Variants in CLOCK observed in about 807,000 individuals in gnomAD.
CLOCK encodes the protein clock circadian regulator.
In CLOCK, 43 loss-of-function variants were observed where a neutral mutation model predicts 118.4. The ratio of observed to expected loss-of-function variants is 0.36; its 90% CI spans 0.28 to 0.47. The LOEUF (loss-of-function observed/expected upper bound fraction) is 0.47, where lower values mean the gene tolerates loss of function less well. Ranked by LOEUF, CLOCK falls within the 20% of genes least tolerant of loss-of-function variation. CLOCK has a pLI of 1.00. For missense variants in CLOCK, 846 were observed against 999.9 expected, an observed-to-expected ratio of 0.85 and a Z score of 2.08; for synonymous variants, 326 against 339.2, an observed-to-expected ratio of 0.96 and a Z score of 0.43.
At chr4:55,440,355 GAAC>G (rs1367225471) in intron 21 of CLOCK, among the ~76,000 whole-genome samples, 6 of 152,034 alleles carry the variant, frequency 3.9e-5, no homozygotes, top group Admixed American at 1.3e-4. Flanking sequence ...TGAAATGAAA[GAAC>G]AATAACCCCA....
intron 9 of CLOCK, 129 bp downstream of exon 9, chr4:55,463,556 G>T: frequency 2.8e-6 from 2 of 706,132 alleles, no homozygotes; most frequent in African/African-American, 1.8e-5. Context: ...TTTTAATATT[G>T]AAAAAGGACC....
At position 55,459,220 on chromosome 4, in the gene CLOCK, T is replaced by C. The variant is rs1725137696; in HGVS notation, c.601A>G (p.Thr201Ala). 1.9e-6 allele frequency: 3 copies of C among 1,612,536 alleles called. No individual in the cohort carries two copies. Among genetic ancestry groups the C allele is most frequent in the Non-Finnish European group, 1.7e-6 (2 of 1,178,634 alleles). The change falls in exon 10 of 23, where the codon ACA becomes GCA. Residue 201 changes from threonine to alanine, a missense_variant. By Grantham distance (58) the Thr-to-Ala change is moderately conservative. Around this residue, in one of 4 missense-constraint regions of CLOCK, gnomAD observed 246 missense variants for 300.2 expected, o/e 0.82. Coordinates refer to ENST00000513440, the MANE Select transcript of CLOCK (RefSeq NM_004898.4). ...LEFCCHMLRG[T>A]IDPKEPSTYE... is the part of the protein sequence containing the mutation. Reference sequence around the variant, plus strand: ...GTAGATGGCTCCTTTGGGTCTATTGTTCCTCGCAGCATGTGACAACAGAAT... The same window carrying C: ...GTAGATGGCTCCTTTGGGTCTATTGCTCCTCGCAGCATGTGACAACAGAAT...
intron 1 of CLOCK, among the ~76,000 whole-genome samples, chr4:55,535,196 T>A (rs983359247): frequency 4.2e-5 from 6 of 144,242 alleles, no homozygotes; most frequent in Admixed American, 1.4e-4. Context: ...TAAAAAAAAA[T>A]TTTTTTGCTT....
At chr4:55,495,417 AT>A (rs1294409821) in intron 2 of CLOCK, among the ~76,000 whole-genome samples, 1 of 152,048 alleles carries the variant, frequency 6.6e-6, no homozygotes, top group Non-Finnish European at 1.5e-5. Flanking sequence ...GTGAGATAAA[AT>A]ATATTTACTC....
intron 3 of CLOCK, among the ~76,000 whole-genome samples, chr4:55,487,468 T>C (rs1269297388): frequency 6.6e-6 from 1 of 152,188 alleles, no homozygotes; most frequent in Admixed American, 6.6e-5. Flanking sequence ...TAATTATGTA[T>C]CTTCTCAACT....
At chr4:55,526,461 C>T (rs150933719) in intron 1 of CLOCK, among the ~76,000 whole-genome samples, 2,794 of 152,226 alleles carry the variant, frequency 0.018, 53 homozygotes, top group Non-Finnish European at 0.027. Flanking sequence ...GTACTACTTA[C>T]AGAATATTCT....
intron 15 of CLOCK, among the ~76,000 whole-genome samples, chr4:55,450,605 C>T (rs6837810): frequency 0.026 from 4,012 of 151,926 alleles, 180 homozygotes; most frequent in African/African-American, 0.093. Flanking sequence ...CCGTCTCTAC[C>T]AAAAATACAA....
rs746297825 is a variant in CLOCK at position 55,457,107 on chromosome 4, C to T, written c.793-807G>A. ...TTTTCCATTCACACATGCCTATAAACGCTTATTCAAAATTCAGACCTCTCT... is the reference window on the plus strand; with the variant it reads ...TTTTCCATTCACACATGCCTATAAATGCTTATTCAAAATTCAGACCTCTCT... On this transcript the variant is annotated intron_variant, in intron 11 of 22. Coordinates refer to ENST00000513440, the MANE Select transcript of CLOCK (RefSeq NM_004898.4). Among the ~76,000 whole-genome samples, 5 of 152,254 alleles carry T rather than the reference C, an allele frequency of 3.3e-5. No homozygotes were observed. In the East Asian group the frequency reaches 5.8e-4, roughly 18 times the overall value.
At chr4:55,527,760 C>G (rs930038082) in intron 1 of CLOCK, among the ~76,000 whole-genome samples, 1 of 151,982 alleles carries the variant, frequency 6.6e-6, no homozygotes, top group African/African-American at 2.4e-5. Context: ...AAGAAAATAT[C>G]AGCTGGGTGT....
chr4:55,529,399 A>T (rs747800502), intron 1 of CLOCK, among the ~76,000 whole-genome samples: 2 of 152,134 alleles, frequency 1.3e-5, no homozygotes, highest in Non-Finnish European at 2.9e-5. Flanking sequence ...GCTTCAAGCA[A>T]TCCTCCCACC....
intron 2 of CLOCK, among the ~76,000 whole-genome samples, chr4:55,498,865 A>G (rs1728256767): frequency 6.6e-6 from 1 of 152,194 alleles, no homozygotes; most frequent in African/African-American, 2.4e-5. Context: ...CATAACAAGT[A>G]TATTATAGAA....
At chr4:55,453,918 C>T in intron 13 of CLOCK, 94 bp from the exon 14 acceptor site, 2 of 934,860 alleles carry the variant, frequency 2.1e-6, no homozygotes, top group South Asian at 3.4e-5. Context: ...TAAGTTTACA[C>T]ATACTATTAT....
chr4:55,506,222 T>G (rs6854096), intron 2 of CLOCK, among the ~76,000 whole-genome samples: 4,235 of 152,266 alleles, frequency 0.028, 207 homozygotes, highest in African/African-American at 0.097. Context: ...ATCTTTTGTT[T>G]TGTTTTTTTG....
At chr4:55,447,435 T>C (rs1000789659) in intron 18 of CLOCK, among the ~76,000 whole-genome samples, 3 of 152,198 alleles carry the variant, frequency 2.0e-5, no homozygotes, top group African/African-American at 7.2e-5. Flanking sequence ...ATTTGTACCT[T>C]TGGACAAGCA....
intron 3 of CLOCK, among the ~76,000 whole-genome samples, chr4:55,485,269 A>G (rs1205074162): frequency 3.3e-5 from 5 of 152,178 alleles, no homozygotes; most frequent in Middle Eastern, 3.2e-3. Context: ...CCGGTCAGAT[A>G]TAACTCTTAA....
At chr4:55,501,470 T>G (rs1728441034) in intron 2 of CLOCK, 1 of 151,848 alleles carries the variant, frequency 6.6e-6, no homozygotes, top group African/African-American at 2.4e-5. Context: ...CAGGCTAGAG[T>G]GTGGTGGCCT....
chr4:55,446,298 A>C (rs1429905845), intron 18 of CLOCK, among the ~76,000 whole-genome samples: 1 of 151,896 alleles, frequency 6.6e-6, no homozygotes, highest in East Asian at 1.9e-4. Flanking sequence ...TATGTTGCCT[A>C]GTCTGTTGTA....
intron 2 of CLOCK, among the ~76,000 whole-genome samples, chr4:55,490,660 A>G (rs375937954): frequency 6.6e-6 from 1 of 152,284 alleles, no homozygotes; most frequent in East Asian, 1.9e-4. Flanking sequence ...AATCATCTCT[A>G]GATTACTTAT....
intron 1 of CLOCK, among the ~76,000 whole-genome samples, chr4:55,510,928 G>A (rs1729108743): frequency 6.6e-6 from 1 of 152,098 alleles, no homozygotes; most frequent in African/African-American, 2.4e-5. Flanking sequence ...ATCACACAGG[G>A]CTAAAGGCAG....
Sources: gnomAD v4.1 joint callset for allele counts (sites outside exome capture counted in the v4.1 genomes callset) on GRCh38, gnomAD v4.1.1 for gene constraint, gnomAD v4.1.1 regional missense constraint, MANE v1.5 for transcripts, NCBI Gene and HGNC (gene_info 2026-07-23, HGNC 2026-07-21) for gene names.